KCNK2: variants seen among roughly 807,000 people sequenced by gnomAD.
KCNK2 encodes the protein potassium two pore domain channel subfamily K member 2.
In KCNK2, 21 loss-of-function variants were observed where a neutral mutation model predicts 40.5. The ratio of observed to expected loss-of-function variants is 0.52; its 90% CI spans 0.37 to 0.75. The LOEUF (loss-of-function observed/expected upper bound fraction) is 0.75. Ranked by LOEUF, KCNK2 falls within the 30% of genes least tolerant of loss-of-function variation. KCNK2 has a pLI of 0.00. For synonymous variants in KCNK2, 191 were observed against 202.2 expected, an observed-to-expected ratio of 0.94 and a Z score of 0.47; for missense variants, 399 against 531.6, an observed-to-expected ratio of 0.75 and a Z score of 2.45.
At chr1:215,085,746 G>C (rs774017488) in intron 1 of KCNK2, among the ~76,000 whole-genome samples, 1 of 152,164 alleles carries the variant, frequency 6.6e-6, no homozygotes, top group African/African-American at 2.4e-5. Flanking sequence ...GCCCACTTTG[G>C]AGGACAGGCA....
At chr1:215,072,804 GACA>G (rs1039092108) in intron 1 of KCNK2, among the ~76,000 whole-genome samples, 1 of 152,168 alleles carries the variant, frequency 6.6e-6, no homozygotes, top group African/African-American at 2.4e-5. Context: ...TGAGGAACAA[GACA>G]ACAAGGTCCC....
chr1:215,023,649 G>C (rs79884578), intron 1 of KCNK2, among the ~76,000 whole-genome samples: 1 of 152,160 alleles, frequency 6.6e-6, no homozygotes, highest in Non-Finnish European at 1.5e-5. Context: ...ATGTCATTGC[G>C]TAAGCACCAA....
intron 1 of KCNK2, among the ~76,000 whole-genome samples, chr1:215,037,044 G>A (rs1657412395): frequency 7.8e-6 from 1 of 128,926 alleles, no homozygotes; most frequent in Admixed American, 8.7e-5. Context: ...TAAAATCCCA[G>A]TCCAATATTG....
At chr1:215,125,551 A>G (rs891201904) in intron 3 of KCNK2, among the ~76,000 whole-genome samples, 5 of 151,848 alleles carry the variant, frequency 3.3e-5, no homozygotes, top group African/African-American at 4.8e-5. Flanking sequence ...GAACACTTGG[A>G]CACAGGAAGG....
At chr1:215,048,076 G>A (rs1052247762) in intron 1 of KCNK2, among the ~76,000 whole-genome samples, 45 of 152,254 alleles carry the variant, frequency 3.0e-4, no homozygotes, top group African/African-American at 1.1e-3. Flanking sequence ...TGACTTGACA[G>A]GCCTTCAAAG....
chr1:215,149,690 C>T (rs1021377880), intron 3 of KCNK2, among the ~76,000 whole-genome samples: 12 of 152,050 alleles, frequency 7.9e-5, no homozygotes, highest in African/African-American at 1.2e-4. Context: ...TCAATAAGTA[C>T]GAAGTGCAGA....
chr1:215,169,464 G>T, intron 4 of KCNK2, 105 bp downstream of exon 4: 1 of 856,810 alleles, frequency 1.2e-6, no homozygotes, highest in Non-Finnish European at 1.8e-6. Flanking sequence ...AATTATTAGG[G>T]CTTCCATAAC....
intron 6 of KCNK2, among the ~76,000 whole-genome samples, chr1:215,204,873 T>A (rs569182934): frequency 2.0e-5 from 3 of 152,308 alleles, no homozygotes; most frequent in African/African-American, 7.2e-5. Flanking sequence ...CAAAGTATGA[T>A]GATTTGTTTA....
At chr1:215,230,048 T>TATCTGTGTGTGTGTATATACAC (rs1306019194) in intron 6 of KCNK2, among the ~76,000 whole-genome samples, 43 of 143,088 alleles carry the variant, frequency 3.0e-4, no homozygotes, top group African/African-American at 1.1e-3. Flanking sequence ...TAGATATATA[T>TATCTGTGTGTGTGTATATACAC]ACACACAGAT....
chr1:215,148,089 T>C (rs1662512274), intron 3 of KCNK2, among the ~76,000 whole-genome samples: 1 of 143,246 alleles, frequency 7.0e-6, no homozygotes, highest in Non-Finnish European at 1.5e-5. Context: ...CCTTTTTTTT[T>C]TTTTTTTTTG....
chr1:215,203,378 T>G (rs1665158947), intron 6 of KCNK2, among the ~76,000 whole-genome samples: 1 of 152,132 alleles, frequency 6.6e-6, no homozygotes, highest in African/African-American at 2.4e-5. Context: ...ATTAAGGTAA[T>G]GGTACCTCCT....
chr1:215,130,997 A>G (rs986707114), intron 3 of KCNK2, among the ~76,000 whole-genome samples: 1 of 150,972 alleles, frequency 6.6e-6, no homozygotes, highest in African/African-American at 2.4e-5. Flanking sequence ...AGTAGCTGGG[A>G]CTACAGGCGC....
intron 6 of KCNK2, among the ~76,000 whole-genome samples, chr1:215,224,216 A>G (rs1480233826): frequency 6.6e-6 from 1 of 152,120 alleles, no homozygotes; most frequent in Non-Finnish European, 1.5e-5. Context: ...TGAAATTCTA[A>G]ATTCAAAATT....
chr1:215,009,519 A>G (rs1418446030), intron 1 of KCNK2, among the ~76,000 whole-genome samples: 1 of 152,118 alleles, frequency 6.6e-6, no homozygotes, highest in Non-Finnish European at 1.5e-5. Context: ...TTTGCTGCAT[A>G]ATGTGAATAA....
intron 1 of KCNK2, among the ~76,000 whole-genome samples, chr1:215,023,576 C>T (rs947010250): frequency 6.6e-6 from 1 of 152,134 alleles, no homozygotes; most frequent in Admixed American, 6.5e-5. Flanking sequence ...TCAGTGAGCC[C>T]GACCATGTTA....
chr1:215,095,931 G>A (rs1261741361), intron 2 of KCNK2, among the ~76,000 whole-genome samples: 2 of 152,048 alleles, frequency 1.3e-5, no homozygotes, highest in African/African-American at 4.8e-5. Context: ...GCTAAAACGT[G>A]TGTGACTGGG....
At chr1:215,171,955 T>TAC in intron 4 of KCNK2, 42 bp from the exon 5 acceptor site, 2 of 1,300,754 alleles carry the variant, frequency 1.5e-6, no homozygotes, top group Non-Finnish European at 2.1e-6. Flanking sequence ...CCCATTTATA[T>TAC]ACATATATAT....
intron 1 of KCNK2, among the ~76,000 whole-genome samples, chr1:215,029,892 T>C (rs1657126102): frequency 6.6e-6 from 1 of 152,084 alleles, no homozygotes; most frequent in Non-Finnish European, 1.5e-5. Flanking sequence ...GTGTAGGTTT[T>C]TGTGTGGACA....
intron 2 of KCNK2, among the ~76,000 whole-genome samples, chr1:215,093,940 A>T (rs972652661): frequency 1.6e-5 from 2 of 121,990 alleles, no homozygotes; most frequent in African/African-American, 6.1e-5. Context: ...ATTACATGAC[A>T]ATATATATAA....
Sources: gnomAD v4.1 joint callset for allele counts (sites outside exome capture counted in the v4.1 genomes callset) on GRCh38, gnomAD v4.1.1 for gene constraint, MANE v1.5 for transcripts, NCBI Gene and HGNC (gene_info 2026-07-23, HGNC 2026-07-21) for gene names.